Variants in DLGAP2 observed in about 807,000 individuals in gnomAD.
The protein encoded by DLGAP2 is disks large-associated protein 2.
Under a neutral mutation model 100.3 loss-of-function variants are expected in DLGAP2, and 26 were observed. The ratio of observed to expected loss-of-function variants is 0.26; its 90% CI spans 0.19 to 0.36. The LOEUF is 0.36. Ranked by LOEUF, DLGAP2 falls within the 10% of genes least tolerant of loss-of-function variation. The pLI is 1.00. For missense variants in DLGAP2, 1,858 were observed against 1,453.2 expected (o/e 1.28, Z -4.53); for synonymous variants, 886 against 630.1 (o/e 1.41, Z -6.08).
intron 1 of DLGAP2, among the ~76,000 whole-genome samples, chr8:803,083 G>A (rs373240459): frequency 1.6e-3 from 239 of 152,304 alleles, no homozygotes; most frequent in African/African-American, 5.7e-3. Flanking sequence ...GGGCTTGGAC[G>A]CTGGTGGCGG....
intron 1 of DLGAP2, among the ~76,000 whole-genome samples, chr8:825,222 T>A (rs1432714795): frequency 6.6e-6 from 1 of 152,210 alleles, no homozygotes; most frequent in African/African-American, 2.4e-5. Context: ...CCTGGACGCC[T>A]GAGAACCAAG....
At chr8:1,277,690 C>T (rs56208671) in intron 3 of DLGAP2, among the ~76,000 whole-genome samples, 2,016 of 152,218 alleles carry the variant, frequency 0.013, 48 homozygotes, top group African/African-American at 0.045. Flanking sequence ...GGTGGGCTTC[C>T]AGGCTGGCAG....
At chr8:1,215,441 G>C (rs944705387) in intron 2 of DLGAP2, among the ~76,000 whole-genome samples, 22 of 150,002 alleles carry the variant, frequency 1.5e-4, no homozygotes, top group African/African-American at 5.1e-4. Flanking sequence ...GTACCTGGAT[G>C]GGTTCATTTG....
intron 6 of DLGAP2, among the ~76,000 whole-genome samples, chr8:1,606,895 G>A (rs530092750): frequency 6.6e-5 from 10 of 152,268 alleles, no homozygotes; most frequent in African/African-American, 2.2e-4. Flanking sequence ...ATGTTGCCCA[G>A]GCTAGTCTCA....
intron 2 of DLGAP2, among the ~76,000 whole-genome samples, chr8:969,976 G>A (rs541026955): frequency 6.6e-6 from 1 of 152,182 alleles, no homozygotes; most frequent in Non-Finnish European, 1.5e-5. Context: ...GCAAAAAATT[G>A]TTCACACCAT....
At chr8:1,147,377 T>C (rs1329877450) in intron 2 of DLGAP2, among the ~76,000 whole-genome samples, 1 of 152,194 alleles carries the variant, frequency 6.6e-6, no homozygotes, top group Non-Finnish European at 1.5e-5. Context: ...GCTACATTTA[T>C]GTATTATTTA....
chr8:1,123,263 G>GA (rs1429240549), intron 2 of DLGAP2, among the ~76,000 whole-genome samples: 2 of 152,100 alleles, frequency 1.3e-5, no homozygotes, highest in East Asian at 1.9e-4. Context: ...AAAGAATAAT[G>GA]AAAAATGTTT....
chr8:797,418 C>A (rs1796058542), intron 1 of DLGAP2, among the ~76,000 whole-genome samples: 1 of 152,226 alleles, frequency 6.6e-6, no homozygotes, highest in African/African-American at 2.4e-5. Flanking sequence ...CAATCTTCTG[C>A]TGAAGAATGT....
intron 2 of DLGAP2, among the ~76,000 whole-genome samples, chr8:1,158,808 GT>G (rs1219814302): frequency 2.0e-5 from 3 of 152,176 alleles, no homozygotes; most frequent in Middle Eastern, 3.4e-3. Flanking sequence ...CAACTGCACA[GT>G]TTTTTTTCTT....
intron 1 of DLGAP2, among the ~76,000 whole-genome samples, chr8:889,609 T>G (rs1375402043): frequency 6.6e-6 from 1 of 152,214 alleles, no homozygotes; most frequent in Non-Finnish European, 1.5e-5. Context: ...CAGACAAGTC[T>G]TGGGACCAAG....
chr8:1,174,388 C>A (rs1283961401), intron 2 of DLGAP2, among the ~76,000 whole-genome samples: 1 of 151,736 alleles, frequency 6.6e-6, no homozygotes, highest in Non-Finnish European at 1.5e-5. Flanking sequence ...CCATTACCAC[C>A]ATCATCATTA....
At chr8:1,506,744 C>T (rs888465699) in intron 4 of DLGAP2, among the ~76,000 whole-genome samples, 4 of 152,188 alleles carry the variant, frequency 2.6e-5, no homozygotes, top group Non-Finnish European at 4.4e-5. Context: ...TGACAGGGTG[C>T]TGATTGGTGC....
At chr8:1,374,403 A>G (rs1802340159) in intron 3 of DLGAP2, among the ~76,000 whole-genome samples, 1 of 152,282 alleles carries the variant, frequency 6.6e-6, no homozygotes, top group Admixed American at 6.5e-5. Context: ...TACAAGACCA[A>G]CTTTTGTTCT....
At chr8:789,677 C>T (rs1821973538) in intron 1 of DLGAP2, among the ~76,000 whole-genome samples, 1 of 152,234 alleles carries the variant, frequency 6.6e-6, no homozygotes, top group African/African-American at 2.4e-5. Flanking sequence ...ATCACACTGT[C>T]AGCAGACACT....
intron 3 of DLGAP2, among the ~76,000 whole-genome samples, chr8:1,293,642 A>G (rs572908368): frequency 6.6e-6 from 1 of 152,296 alleles, no homozygotes; most frequent in South Asian, 2.1e-4. Context: ...GAAAAAAAAA[A>G]TTATCATGCC....
At chr8:1,245,297 T>G (rs1482265783) in intron 2 of DLGAP2, among the ~76,000 whole-genome samples, 2 of 152,170 alleles carry the variant, frequency 1.3e-5, no homozygotes, top group Non-Finnish European at 2.9e-5. Context: ...CCTGATTGCT[T>G]ACAGAGGCAT....
At chr8:788,302 T>G (rs951785156) in intron 1 of DLGAP2, among the ~76,000 whole-genome samples, 14 of 152,206 alleles carry the variant, frequency 9.2e-5, no homozygotes, top group Non-Finnish European at 2.1e-4. Flanking sequence ...CTGGTCGAGA[T>G]AGCAGCATTC....
intron 3 of DLGAP2, among the ~76,000 whole-genome samples, chr8:1,446,124 T>G (rs374773085): frequency 0.11 from 16,241 of 152,024 alleles, 1,098 homozygotes; most frequent in South Asian, 0.17. Context: ...TTTTGGCTTT[T>G]GTTGCCATTG....
chr8:780,103 C>A (rs1314434814), intron 1 of DLGAP2, among the ~76,000 whole-genome samples: 1 of 152,182 alleles, frequency 6.6e-6, no homozygotes, highest in Non-Finnish European at 1.5e-5. Flanking sequence ...AAGCCTTAGT[C>A]TAAACTTTGT....
Sources: allele counts gnomAD v4.1 joint callset (sites outside exome capture counted in the v4.1 genomes callset), GRCh38; gene constraint gnomAD v4.1.1; transcripts MANE v1.5; gene names NCBI Gene and HGNC (gene_info 2026-07-23, HGNC 2026-07-21).